Variants in ANKRD55 observed in about 807,000 individuals in gnomAD.
The protein encoded by ANKRD55 is ankyrin repeat domain 55, also known as ankyrin repeat domain-containing protein 55.
A neutral mutation model predicts 60.6 loss-of-function variants in ANKRD55; 41 were observed. That is an observed-to-expected ratio of 0.68 (90% confidence interval 0.53 to 0.88). ANKRD55 has a LOEUF of 0.88. ANKRD55 is among the 40% of genes least tolerant of loss of function. The pLI is 0.00. For missense variants in ANKRD55, 732 were observed against 767.6 expected (o/e 0.95, Z 0.55); for synonymous variants, 264 against 290.3 (o/e 0.91, Z 0.92).
In ANKRD55 at chr5:56,232,894, A is replaced by T; in HGVS notation, c.20T>A (p.Met7Lys). MMRQAT[M>K]DFSTPSVFDQ... is the part of the protein sequence containing the mutation. ...AAACACAGAAGGGGTGCTGAAATCC[A>T]TGGTAGCCTGTCTCATCATTTACCA... Residue 7 changes from methionine to lysine, a missense_variant, in exon 2 of 12, where the codon ATG becomes AAG. Transcript: ENST00000341048. 1 of 1,614,200 alleles carries T rather than the reference A, an allele frequency of 6.2e-7. No homozygotes were observed. The highest frequency in any genetic ancestry group is 1.1e-5 in the South Asian group (1 of 91,090).
At chr5:56,223,165 C>T (rs1760013815) in intron 2 of ANKRD55, among the ~76,000 whole-genome samples, 1 of 152,190 alleles carries the variant, frequency 6.6e-6, no homozygotes, top group Non-Finnish European at 1.5e-5. Flanking sequence ...TTGGCAGAAA[C>T]TCTACAAGCC....
In ANKRD55 at chr5:56,159,885, G is replaced by A. The variant is rs764843105; in HGVS notation, c.431C>T (p.Thr144Met). ...ATAEPDMRLLTVLLQQSNISE... is the reference protein window; with the variant it reads ...ATAEPDMRLLMVLLQQSNISE... Reference sequence around the variant, plus strand: ...GATGTTCGACTGTTGCAACAGGACCGTGAGGAGCCTGTAAGGAAAAAATAG... The same window carrying A: ...GATGTTCGACTGTTGCAACAGGACCATGAGGAGCCTGTAAGGAAAAAATAG... Residue 144 changes from threonine (T) to methionine (M), a missense_variant, in exon 6 of 12, where the codon ACG becomes ATG. Physicochemically the swap from Thr to Met is moderately conservative, Grantham distance 81. Around this residue, in one of 3 missense-constraint regions of ANKRD55, gnomAD observed 597 missense variants for 607.5 expected, o/e 0.98. Coordinates refer to ENST00000341048, the MANE Select transcript of ANKRD55 (RefSeq NM_024669.3). 8 of 1,613,344 alleles carry A rather than the reference G, an allele frequency of 5.0e-6. No individual in the cohort carries two copies. The highest frequency in any genetic ancestry group is 1.7e-5 in the Admixed American group (1 of 59,988).
chr5:56,229,110 T>TC (rs1554044821), intron 2 of ANKRD55, among the ~76,000 whole-genome samples: 1,577 of 148,872 alleles, frequency 0.011, 29 homozygotes, highest in African/African-American at 0.037. Flanking sequence ...TTTTTTTTTT[T>TC]CCCTGTTTTC....
intron 4 of ANKRD55, among the ~76,000 whole-genome samples, chr5:56,172,075 C>T (rs915328529): frequency 5.3e-5 from 8 of 149,988 alleles, no homozygotes; most frequent in Admixed American, 4.7e-4. Flanking sequence ...GCCGAGATCG[C>T]GCCACTGCAC....
chr5:56,207,547 G>A (rs908358177), intron 2 of ANKRD55, among the ~76,000 whole-genome samples: 1 of 152,138 alleles, frequency 6.6e-6, no homozygotes, highest in Non-Finnish European at 1.5e-5. Context: ...TACACACCCA[G>A]ACTACATGGT....
Position 56,170,765 on chromosome 5 carries a change from A to G in ANKRD55, c.351T>C (p.Gly117=), listed in dbSNP as rs1758595048. 1 of 1,614,104 alleles carries G rather than the reference A, an allele frequency of 6.2e-7. No homozygotes were observed. The highest frequency in any genetic ancestry group is 8.5e-7 in the Non-Finnish European group (1 of 1,180,018). ...TTTTATCTGGGATATTGTGCTTGGC[A>G]CCGTTTCTGAGTAGACTCACACAGC... ...LEGCVSLLRN[G]AKHNIPDKNG... is the part of the protein sequence containing the mutation. The change falls in exon 5 of 12, where the codon GGT becomes GGC. Residue 117 remains glycine (G), a synonymous_variant. Coordinates refer to ENST00000341048, the MANE Select transcript of ANKRD55 (RefSeq NM_024669.3).
intron 10 of ANKRD55, among the ~76,000 whole-genome samples, chr5:56,107,738 C>T (rs1481996489): frequency 6.6e-6 from 1 of 152,160 alleles, no homozygotes; most frequent in Admixed American, 6.6e-5. Context: ...GCTCCATCAG[C>T]CCCTCGAGGA....
intron 6 of ANKRD55, among the ~76,000 whole-genome samples, chr5:56,159,101 G>T (rs1181494137): frequency 6.6e-6 from 1 of 152,164 alleles, no homozygotes; most frequent in Non-Finnish European, 1.5e-5. Context: ...TCCCACCTCA[G>T]CCTCCTGAGT....
At chr5:56,183,239 A>G (rs1758888230) in intron 3 of ANKRD55, among the ~76,000 whole-genome samples, 1 of 152,112 alleles carries the variant, frequency 6.6e-6, no homozygotes, top group Non-Finnish European at 1.5e-5. Context: ...TTACAGTTAC[A>G]TTTTCTCAAC....
At chr5:56,183,666 T>C (rs1758903317) in intron 2 of ANKRD55, 32 bp from the exon 3 acceptor site, 10 of 1,607,508 alleles carry the variant, frequency 6.2e-6, no homozygotes, top group Non-Finnish European at 7.7e-6. Context: ...AATGTTAGTG[T>C]GTGGAGCCAG....
At chr5:56,154,238 A>C (rs1468613649) in intron 6 of ANKRD55, among the ~76,000 whole-genome samples, 1 of 150,096 alleles carries the variant, frequency 6.7e-6, no homozygotes. Context: ...TGCAGAACAC[A>C]TAGAGTGGTA....
intron 2 of ANKRD55, among the ~76,000 whole-genome samples, chr5:56,220,132 C>T (rs1759923912): frequency 6.6e-6 from 1 of 152,354 alleles, no homozygotes; most frequent in East Asian, 1.9e-4. Context: ...AGTCTCTATT[C>T]TCTCCGGATA....
chr5:56,105,496 A>G (rs1334467150), intron 10 of ANKRD55, among the ~76,000 whole-genome samples: 2 of 152,196 alleles, frequency 1.3e-5, no homozygotes, highest in Non-Finnish European at 2.9e-5. Flanking sequence ...TTCTTAAAAG[A>G]TTGTAGGAAT....
chr5:56,157,960 C>A (rs1758237444), intron 6 of ANKRD55, among the ~76,000 whole-genome samples: 1 of 152,154 alleles, frequency 6.6e-6, no homozygotes. Context: ...GGGCAGGCCA[C>A]CCCTTCACTC....
rs1169110153 is a variant in ANKRD55, at chr5:56,135,278, C to CCCTGCCTG, written c.613-8180_613-8173dup. ...TCCTTCCTTCTTTCCCTCCCTCCCT[C>CCCTGCCTG]CCTGCCTGCCTGCTTGCTTTCTTTC... On this transcript the variant is annotated intron_variant, in intron 7 of 11. Coordinates refer to ENST00000341048, the MANE Select transcript of ANKRD55 (RefSeq NM_024669.3). 5.5e-3 allele frequency among the ~76,000 whole-genome samples: 423 copies of CCCTGCCTG among 76,992 alleles called. 9 individuals carry two copies. Among genetic ancestry groups the CCCTGCCTG allele is most frequent in the East Asian group, 0.013 (34 of 2,598 alleles). The allele number at this position is 76,992 out of a possible 152,430, so 50.5% of individuals were successfully genotyped here.
At chr5:56,166,148 T>TCC (rs1758464153) in intron 5 of ANKRD55, among the ~76,000 whole-genome samples, 2 of 103,840 alleles carry the variant, frequency 1.9e-5, no homozygotes, top group Non-Finnish European at 3.6e-5. Flanking sequence ...CTTTCTTTCT[T>TCC]TCTTTCTTCT....
At chr5:56,105,719 A>T (rs1019841525) in intron 10 of ANKRD55, among the ~76,000 whole-genome samples, 1 of 152,100 alleles carries the variant, frequency 6.6e-6, no homozygotes, top group African/African-American at 2.4e-5. Flanking sequence ...CCAGTTTAGA[A>T]CCCTGGCCTT....
intron 8 of ANKRD55, 142 bp from the exon 9 acceptor site, chr5:56,116,924 T>C (rs762765819): frequency 3.5e-6 from 3 of 850,738 alleles, no homozygotes; most frequent in African/African-American, 1.8e-5. Flanking sequence ...TAGTAAGTGT[T>C]AAATGAGCCC....
intron 2 of ANKRD55, among the ~76,000 whole-genome samples, chr5:56,222,370 G>A (rs1218382655): frequency 6.6e-6 from 1 of 152,140 alleles, no homozygotes; most frequent in Non-Finnish European, 1.5e-5. Flanking sequence ...AAGACCAAAG[G>A]TAGATAAAAC....
Sources: gnomAD v4.1 joint callset for allele counts (sites outside exome capture counted in the v4.1 genomes callset) on GRCh38, gnomAD v4.1.1 for gene constraint, gnomAD v4.1.1 regional missense constraint, MANE v1.5 for transcripts, NCBI Gene and HGNC (gene_info 2026-07-23, HGNC 2026-07-21) for gene names.